KLHL32: variants seen among roughly 807,000 people sequenced by gnomAD.
KLHL32 encodes the protein kelch-like protein 32.
A neutral mutation model predicts 64.8 loss-of-function variants in KLHL32; 35 were observed. The observed-to-expected ratio is 0.54, with a 90% confidence interval of 0.41 to 0.72. The LOEUF is 0.72. KLHL32 is among the 30% of genes least tolerant of loss of function. KLHL32 has a pLI of 0.00. For synonymous variants in KLHL32, 259 were observed against 281.0 expected (o/e 0.92, Z 0.78); for missense variants, 589 against 768.5 (o/e 0.77, Z 2.76).
intron 4 of KLHL32, among the ~76,000 whole-genome samples, chr6:97,043,212 T>G (rs1785394918): frequency 6.6e-6 from 1 of 152,152 alleles, no homozygotes; most frequent in Non-Finnish European, 1.5e-5. Flanking sequence ...CAACTCCAAA[T>G]GGACTAAGAA....
intron 1 of KLHL32, among the ~76,000 whole-genome samples, chr6:96,961,820 C>A (rs548504910): frequency 1.3e-5 from 2 of 152,258 alleles, no homozygotes; most frequent in South Asian, 4.1e-4. Flanking sequence ...GAGTTTTTGG[C>A]TCTCTGATAT....
chr6:97,114,502 G>C lies in KLHL32; in HGVS notation c.1347G>C (p.Trp449Cys). ...HAGYVADGLL[W>C]ISGGVTNTAQ... ...GATATGTGGCTGATGGTCTTCTTTG[G>C]ATATCAGGTAGAACATACCTCATGT... is the stretch of plus-strand genomic sequence containing the variant. Residue 449 changes from tryptophan to cysteine, a missense_variant, in exon 7 of 11, where the codon TGG becomes TGC. This residue lies in a region of KLHL32 where 226 missense variants were observed against 353.2 expected (regional missense o/e 0.64). Transcript: ENST00000369261. 6.2e-7 allele frequency: 1 copy of C among 1,613,528 alleles called. No individual in the cohort carries two copies. The highest frequency in any genetic ancestry group is 8.5e-7 in the Non-Finnish European group (1 of 1,180,000).
At chr6:97,072,564 C>CTTTTT (rs5878460) in intron 5 of KLHL32, among the ~76,000 whole-genome samples, 31 of 146,176 alleles carry the variant, frequency 2.1e-4, no homozygotes, top group African/African-American at 7.5e-4. Flanking sequence ...ATCTCTTTGG[C>CTTTTT]TTTTTTTTTT....
chr6:96,902,492 C>T, the KLHL32 span, among the ~76,000 whole-genome samples: 6 of 152,142 alleles, frequency 3.9e-5, no homozygotes, highest in South Asian at 1.2e-3. Context: ...GCATATTGGA[C>T]CTTTGTCAGA....
At chr6:96,946,870 G>A (rs1189607776) in intron 1 of KLHL32, among the ~76,000 whole-genome samples, 2 of 151,954 alleles carry the variant, frequency 1.3e-5, no homozygotes, top group African/African-American at 2.4e-5. Context: ...GAGAAATGAT[G>A]GTAAAAGAAA....
chr6:96,993,549 T>A (rs73494867), intron 3 of KLHL32, among the ~76,000 whole-genome samples: 1,556 of 152,302 alleles, frequency 0.01, 19 homozygotes, highest in African/African-American at 0.035. Context: ...ATCATCAGAA[T>A]CATTTTAAGA....
At chr6:97,047,408 A>G (rs1035353680) in intron 4 of KLHL32, among the ~76,000 whole-genome samples, 1 of 152,238 alleles carries the variant, frequency 6.6e-6, no homozygotes, top group Non-Finnish European at 1.5e-5. Flanking sequence ...GGTGGAGGGC[A>G]TAGAGGCCAG....
At chr6:96,941,091 T>A (rs1771224728) in intron 1 of KLHL32, among the ~76,000 whole-genome samples, 1 of 152,272 alleles carries the variant, frequency 6.6e-6, no homozygotes, top group African/African-American at 2.4e-5. Context: ...AGCCATTATT[T>A]CTTCCTTTGT....
chr6:97,071,306 C>G (rs1376657231), intron 5 of KLHL32, among the ~76,000 whole-genome samples: 2 of 152,066 alleles, frequency 1.3e-5, no homozygotes, highest in African/African-American at 4.8e-5. Context: ...CTAAGTGACT[C>G]CTCTACAGCA....
intron 4 of KLHL32, 102 bp from the exon 5 acceptor site, chr6:97,064,526 G>T (rs569585743): frequency 6.5e-6 from 5 of 770,348 alleles, no homozygotes; most frequent in Non-Finnish European, 1.1e-5. Flanking sequence ...AATAGAGTAC[G>T]TAAAGCAGCA....
chr6:97,028,616 C>G (rs1020136447), intron 3 of KLHL32, among the ~76,000 whole-genome samples: 1 of 152,142 alleles, frequency 6.6e-6, no homozygotes, highest in Non-Finnish European at 1.5e-5. Context: ...CGTGCAAGCC[C>G]CAAATTCTGT....
intron 1 of KLHL32, among the ~76,000 whole-genome samples, chr6:96,965,014 G>A (rs1774297340): frequency 1.3e-5 from 2 of 152,108 alleles, no homozygotes. Flanking sequence ...CCTTCTAGTT[G>A]TCCCCAATGT....
intron 6 of KLHL32, among the ~76,000 whole-genome samples, chr6:97,111,613 C>G (rs964254461): frequency 6.6e-6 from 1 of 152,176 alleles, no homozygotes; most frequent in Non-Finnish European, 1.5e-5. Flanking sequence ...CCCAAAGCTC[C>G]AGAAGGAGTG....
intron 4 of KLHL32, 22 bp from the exon 5 acceptor site, chr6:97,064,606 T>A (rs1789421413): frequency 6.3e-7 from 1 of 1,586,766 alleles, no homozygotes; most frequent in Admixed American, 1.7e-5. Context: ...GATAGTTTTA[T>A]TTTTGTTAAC....
intron 10 of KLHL32, among the ~76,000 whole-genome samples, chr6:97,133,909 T>C (rs539521798): frequency 6.6e-6 from 1 of 152,324 alleles, no homozygotes; most frequent in Non-Finnish European, 1.5e-5. Context: ...ACCAGTCATG[T>C]ACTAGGGTTA....
At chr6:96,954,458 C>A (rs1773028907) in intron 1 of KLHL32, among the ~76,000 whole-genome samples, 1 of 152,006 alleles carries the variant, frequency 6.6e-6, no homozygotes, top group Admixed American at 6.6e-5. Flanking sequence ...AGCGATTACC[C>A]CATAAAGTGA....
chr6:97,135,096 C>CGTTG (rs890631822), intron 10 of KLHL32, among the ~76,000 whole-genome samples: 104 of 152,082 alleles, frequency 6.8e-4, no homozygotes, highest in African/African-American at 2.3e-3. Flanking sequence ...TTTAAGTCAA[C>CGTTG]ACCTGTATTA....
chr6:97,093,375 T>C (rs969668459), intron 6 of KLHL32, among the ~76,000 whole-genome samples: 2 of 152,210 alleles, frequency 1.3e-5, no homozygotes, highest in Non-Finnish European at 1.5e-5. Context: ...GCAAGTATGA[T>C]CCAAATTTTA....
At chr6:96,916,599 T>C in the KLHL32 span, among the ~76,000 whole-genome samples, 1 of 152,210 alleles carries the variant, frequency 6.6e-6, no homozygotes, top group African/African-American at 2.4e-5. Context: ...GTCAAACTGC[T>C]TCATTGGTTC....
Sources: gnomAD v4.1 joint callset for allele counts (sites outside exome capture counted in the v4.1 genomes callset) on GRCh38, gnomAD v4.1.1 for gene constraint, gnomAD v4.1.1 regional missense constraint, MANE v1.5 for transcripts, NCBI Gene and HGNC (gene_info 2026-07-23, HGNC 2026-07-21) for gene names.